EXOC6: variants seen among roughly 807,000 people sequenced by gnomAD.
The protein encoded by EXOC6 is SEC15-like 1.
A neutral mutation model predicts 112.5 loss-of-function variants in EXOC6; 60 were observed. That is an observed-to-expected ratio of 0.53 (90% CI 0.43 to 0.66). The LOEUF (loss-of-function observed/expected upper bound fraction) is 0.66. EXOC6 is among the 30% of genes least tolerant of loss of function. The probability of loss-of-function intolerance (pLI) is 0.00; values close to 1 mark genes in which losing one functional copy is unlikely to be tolerated. For missense variants in EXOC6, 855 were observed against 957.1 expected (o/e 0.89, Z 1.41); for synonymous variants, 295 against 308.0 (o/e 0.96, Z 0.44).
intron 11 of EXOC6, 120 bp from the exon 12 acceptor site, chr10:92,935,694 T>TA: frequency 1.3e-6 from 1 of 758,324 alleles, no homozygotes; most frequent in East Asian, 2.8e-5. Flanking sequence ...ATTTTAAACT[T>TA]ATTATAAGTC....
chr10:92,940,691 CTTGT>C, intron 12 of EXOC6, 32 bp from the exon 13 acceptor site: 3 of 1,359,320 alleles, frequency 2.2e-6, no homozygotes, highest in East Asian at 2.4e-5. Context: ...TTTTTGTACA[CTTGT>C]TTATCTGCTT....
At chr10:92,962,254 C>G (rs566581169) in intron 17 of EXOC6, among the ~76,000 whole-genome samples, 2 of 152,126 alleles carry the variant, frequency 1.3e-5, no homozygotes, top group Non-Finnish European at 2.9e-5. Flanking sequence ...AAAGATAGTC[C>G]TGTAAACAAA....
chr10:93,037,622 T>TA (rs1427795046), intron 20 of EXOC6, among the ~76,000 whole-genome samples: 1 of 151,966 alleles, frequency 6.6e-6, no homozygotes, highest in Non-Finnish European at 1.5e-5. Context: ...CTATGTTTAG[T>TA]AGAGGCAGGG....
chr10:93,029,356 C>G (rs1845168936), intron 20 of EXOC6, among the ~76,000 whole-genome samples: 1 of 152,122 alleles, frequency 6.6e-6, no homozygotes, highest in Non-Finnish European at 1.5e-5. Context: ...CATATAGTAT[C>G]TCCGAAGTAT....
At chr10:92,999,706 A>AG (rs1402760694) in intron 19 of EXOC6, among the ~76,000 whole-genome samples, 1 of 92,540 alleles carries the variant, frequency 1.1e-5, no homozygotes, top group Non-Finnish European at 1.9e-5. Context: ...TATTGTGCCT[A>AG]ATTTTTTTTT....
intron 1 of EXOC6, among the ~76,000 whole-genome samples, chr10:92,866,343 C>T (rs1190460969): frequency 6.6e-6 from 1 of 152,130 alleles, no homozygotes; most frequent in East Asian, 1.9e-4. Flanking sequence ...ACAAACATTC[C>T]TTTTATACCT....
intron 19 of EXOC6, among the ~76,000 whole-genome samples, chr10:93,010,632 G>A (rs1488942659): frequency 6.6e-6 from 1 of 151,430 alleles, no homozygotes; most frequent in East Asian, 1.9e-4. Flanking sequence ...CTGGGAGAAG[G>A]AGGTTGTAGT....
chr10:93,011,048 A>G (rs1191042619), intron 19 of EXOC6, among the ~76,000 whole-genome samples: 2 of 152,128 alleles, frequency 1.3e-5, no homozygotes, highest in African/African-American at 4.8e-5. Flanking sequence ...TAATAACTAT[A>G]TGTCTAATTG....
At chr10:92,927,712 T>C (rs969526835) in intron 8 of EXOC6, among the ~76,000 whole-genome samples, 10 of 152,114 alleles carry the variant, frequency 6.6e-5, no homozygotes, top group African/African-American at 2.4e-4. Flanking sequence ...ATAAGTGCTA[T>C]GATAGGGAAG....
Position 92,850,721 on chromosome 10 carries a change from C to T in EXOC6, c.101+2087C>T, listed in dbSNP as rs528851213. On this transcript the variant is annotated intron_variant, in intron 1 of 21. Transcript: ENST00000260762. Reference sequence around the variant, plus strand: ...CATCTTGGATTATTTTGAAGGAAATCCAAGACATCAATTTATTCATAAATA... The same window carrying T: ...CATCTTGGATTATTTTGAAGGAAATTCAAGACATCAATTTATTCATAAATA... Among the ~76,000 whole-genome samples, 77 of 152,270 alleles carry T rather than the reference C, an allele frequency of 5.1e-4. 1 individual carries two copies. The highest frequency in any genetic ancestry group is 1.6e-3 in the Admixed American group (24 of 15,302).
upstream of EXOC6, among the ~76,000 whole-genome samples, chr10:92,834,166 G>T (rs1230596265): frequency 1.3e-5 from 2 of 152,046 alleles, no homozygotes; most frequent in African/African-American, 2.4e-5. Context: ...GAGATAGACA[G>T]GGCACCAAGG....
chr10:92,936,392 A>C (rs1019944228), intron 12 of EXOC6, among the ~76,000 whole-genome samples: 1 of 152,266 alleles, frequency 6.6e-6, no homozygotes, highest in African/African-American at 2.4e-5. Context: ...GTATGAAAAC[A>C]CATGATTTGA....
chr10:92,977,643 GTCC>G (rs1842678087), intron 18 of EXOC6, among the ~76,000 whole-genome samples: 1 of 152,004 alleles, frequency 6.6e-6, no homozygotes, highest in Non-Finnish European at 1.5e-5. Context: ...GCCAAAAGCA[GTCC>G]TCAAGAACAA....
chr10:92,931,203 G>A (rs1852014888), intron 9 of EXOC6, among the ~76,000 whole-genome samples: 1 of 151,408 alleles, frequency 6.6e-6, no homozygotes, highest in African/African-American at 2.4e-5. Context: ...CTAAAAAGGG[G>A]CTTTATCCAG....
At chr10:92,969,172 C>T (rs569009347) in intron 17 of EXOC6, among the ~76,000 whole-genome samples, 1 of 152,212 alleles carries the variant, frequency 6.6e-6, no homozygotes, top group East Asian at 1.9e-4. Context: ...ATGGAGCACA[C>T]ATGCTTGGAG....
chr10:93,038,921 A>G (rs1423123494), intron 20 of EXOC6, among the ~76,000 whole-genome samples: 1 of 152,196 alleles, frequency 6.6e-6, no homozygotes, highest in African/African-American at 2.4e-5. Flanking sequence ...AGAGCCACCT[A>G]TCTTCTAATT....
At chr10:93,014,994 AGTCACAAGGGGG>A (rs1844435725) in intron 20 of EXOC6, among the ~76,000 whole-genome samples, 1 of 149,924 alleles carries the variant, frequency 6.7e-6, no homozygotes, top group African/African-American at 2.5e-5. Flanking sequence ...AAAGCTGGGG[AGTCACAAGGGGG>A]TCATAGTAGG....
rs750922705 is a variant in EXOC6 at position 92,974,098 on chromosome 10, C to A, written c.1819C>A (p.Gln607Lys). ...AEGEIYTKLN[Q>K]KIDEFVQLAD... ...AGGAGAAATATATACCAAACTGAAT[C>A]AAAAAATTGATGAATTTGTTCAGCT... Residue 607 changes from glutamine (Q) to lysine (K), a missense_variant, in exon 18 of 22, where the codon CAA becomes AAA. Coordinates refer to ENST00000260762, the MANE Select transcript of EXOC6 (RefSeq NM_019053.6). The A allele has an allele frequency of 9.9e-5, 158 of 1,603,138 alleles. 1 individual carries two copies. The highest frequency in any genetic ancestry group is 9.2e-4 in the East Asian group (41 of 44,552).
intron 17 of EXOC6, among the ~76,000 whole-genome samples, chr10:92,970,462 T>C (rs938182087): frequency 3.9e-5 from 6 of 152,228 alleles, no homozygotes; most frequent in Non-Finnish European, 8.8e-5. Flanking sequence ...TCTGCAGATT[T>C]TGGTATCCGA....
Sources: gnomAD v4.1 joint callset for allele counts (sites outside exome capture counted in the v4.1 genomes callset) on GRCh38, gnomAD v4.1.1 for gene constraint, MANE v1.5 for transcripts, NCBI Gene and HGNC (gene_info 2026-07-23, HGNC 2026-07-21) for gene names.